The following ZNF385B variants were observed in gnomAD, a reference collection of about 807,000 sequenced individuals.
ZNF385B encodes zinc finger protein 533.
A neutral mutation model predicts 39.2 loss-of-function variants in ZNF385B; 23 were observed. The ratio of observed to expected loss-of-function variants is 0.59; its 90% CI spans 0.42 to 0.83. The LOEUF is 0.83. ZNF385B is among the 40% of genes least tolerant of loss of function. The pLI is 0.00. For missense variants in ZNF385B, 552 were observed against 598.9 expected (o/e 0.92, Z 0.82); for synonymous variants, 205 against 222.6 (o/e 0.92, Z 0.70).
At position 179,550,889 on chromosome 2, in the gene ZNF385B, T is replaced by C. The variant is rs868515444; in HGVS notation, c.299-5920A>G. On this transcript the variant is annotated intron_variant, in intron 3 of 9. Coordinates refer to ENST00000410066, the MANE Select transcript of ZNF385B (RefSeq NM_152520.6). ...CAAGCGGAAATTTGGCCAAAATGCA[T>C]TGCACTCTGAAAGAAAATGCTTAAT... Among the ~76,000 whole-genome samples, 5 of 135,590 alleles carry C rather than the reference T, an allele frequency of 3.7e-5. No homozygotes were observed. The South Asian group carries it at 1.2e-3, about 33-fold the overall frequency. 89.0% of individuals were successfully genotyped at this position (135,590 alleles called of 152,430 possible). A position where few individuals can be genotyped will look rare whatever the true frequency, so the allele number is the denominator to read the frequency against.
chr2:179,495,659 G>C (rs2056126331), intron 5 of ZNF385B, among the ~76,000 whole-genome samples: 2 of 152,126 alleles, frequency 1.3e-5, no homozygotes, highest in African/African-American at 4.8e-5. Flanking sequence ...TTAGAATGGA[G>C]AGAGACCCTA....
At chr2:179,472,788 T>C (rs2052931867) in intron 6 of ZNF385B, among the ~76,000 whole-genome samples, 1 of 152,170 alleles carries the variant, frequency 6.6e-6, no homozygotes, top group African/African-American at 2.4e-5. Context: ...TGGATCTCAG[T>C]AGCCAACCCT....
intron 3 of ZNF385B, among the ~76,000 whole-genome samples, chr2:179,726,676 A>G (rs1701041980): frequency 6.6e-6 from 1 of 152,054 alleles, no homozygotes; most frequent in African/African-American, 2.4e-5. Context: ...ACAAAGTCCA[A>G]TATCAACACA....
rs376620899 is a variant in ZNF385B, at chr2:179,731,315, G to A, written c.298+38188C>T. 7.9e-5 allele frequency among the ~76,000 whole-genome samples: 12 copies of A among 152,330 alleles called. No individual in the cohort carries two copies. In the East Asian group the frequency reaches 1.7e-3, roughly 22 times the overall value. ...CATAAATGAGAAAACTGAGTTTAGGGAGGTAAGAGAACTTTCCCACACAGA... is the reference window on the plus strand; with the variant it reads ...CATAAATGAGAAAACTGAGTTTAGGAAGGTAAGAGAACTTTCCCACACAGA... On this transcript the variant is annotated intron_variant, in intron 3 of 9. Coordinates refer to ENST00000410066, the MANE Select transcript of ZNF385B (RefSeq NM_152520.6).
At chr2:179,521,356 T>TTTTTG (rs1342487195) in intron 4 of ZNF385B, among the ~76,000 whole-genome samples, 1 of 144,934 alleles carries the variant, frequency 6.9e-6, no homozygotes, top group Non-Finnish European at 1.5e-5. Flanking sequence ...CTGGCCAGTT[T>TTTTTG]TTTTTTTTTT....
At chr2:179,856,763 T>G (rs1684639309) in intron 1 of ZNF385B, among the ~76,000 whole-genome samples, 1 of 151,966 alleles carries the variant, frequency 6.6e-6, no homozygotes, top group Admixed American at 6.5e-5. Context: ...TAAGGAGAAC[T>G]AGCAACTGCA....
intron 3 of ZNF385B, among the ~76,000 whole-genome samples, chr2:179,715,120 A>G (rs1700252608): frequency 6.6e-6 from 1 of 152,116 alleles, no homozygotes; most frequent in Non-Finnish European, 1.5e-5. Flanking sequence ...AGCCATTAAG[A>G]CAAATAACCT....
chr2:179,580,735 T>C (rs1686405527), intron 3 of ZNF385B, among the ~76,000 whole-genome samples: 1 of 152,186 alleles, frequency 6.6e-6, no homozygotes, highest in African/African-American at 2.4e-5. Context: ...TTCTTGGACT[T>C]CTCAGTCTTC....
intron 3 of ZNF385B, among the ~76,000 whole-genome samples, chr2:179,560,955 G>T (rs2061293394): frequency 6.6e-6 from 1 of 152,142 alleles, no homozygotes; most frequent in Non-Finnish European, 1.5e-5. Context: ...TTTATTACGT[G>T]CTCCCACGAC....
chr2:179,511,557 C>T (rs1265333840), intron 5 of ZNF385B, among the ~76,000 whole-genome samples: 1 of 152,142 alleles, frequency 6.6e-6, no homozygotes, highest in East Asian at 1.9e-4. Context: ...ACCAATTACA[C>T]ACTAACTGTA....
At chr2:179,540,503 A>AC (rs1303185525) in intron 4 of ZNF385B, among the ~76,000 whole-genome samples, 1 of 152,046 alleles carries the variant, frequency 6.6e-6, no homozygotes, top group African/African-American at 2.4e-5. Flanking sequence ...CAACAAAAAA[A>AC]ACCACAGTTT....
intron 3 of ZNF385B, among the ~76,000 whole-genome samples, chr2:179,678,139 T>C (rs1346255895): frequency 6.6e-6 from 1 of 152,240 alleles, no homozygotes; most frequent in African/African-American, 2.4e-5. Context: ...CCTTCACTCA[T>C]GACCAAGTTA....
In ZNF385B at chr2:179,483,198, G is replaced by A. The variant is rs1342355308; in HGVS notation, c.715+74C>T. ...ATGGAGAGTAACATGCAACAACTGA[G>A]GGCAGGAAAACGGGGTCAGGGCAGG... On this transcript the variant is annotated intron_variant, in intron 6 of 9. Coordinates refer to ENST00000410066, the MANE Select transcript of ZNF385B (RefSeq NM_152520.6). The A allele has an allele frequency of 1.4e-5, 22 of 1,540,422 alleles. 1 individual carries two copies. Among genetic ancestry groups the A allele is most frequent in the East Asian group, 2.3e-5 (1 of 43,696 alleles).
chr2:179,739,712 A>G (rs1701975901), intron 3 of ZNF385B, among the ~76,000 whole-genome samples: 1 of 152,136 alleles, frequency 6.6e-6, no homozygotes, highest in South Asian at 2.1e-4. Context: ...GAGTATTAGT[A>G]TAGCTTAATC....
At chr2:179,731,983 T>C (rs1701423059) in intron 3 of ZNF385B, among the ~76,000 whole-genome samples, 1 of 152,186 alleles carries the variant, frequency 6.6e-6, no homozygotes, top group Admixed American at 6.5e-5. Flanking sequence ...TTGGCACTAA[T>C]CTGTATGTAA....
chr2:179,618,423 AAC>A (rs1345867533), intron 3 of ZNF385B, among the ~76,000 whole-genome samples: 9 of 152,304 alleles, frequency 5.9e-5, no homozygotes, highest in African/African-American at 2.2e-4. Flanking sequence ...CTCCTTTCAG[AAC>A]AGTTTCCTAA....
intron 3 of ZNF385B, among the ~76,000 whole-genome samples, chr2:179,630,227 C>A (rs1691069548): frequency 6.6e-6 from 1 of 152,258 alleles, no homozygotes; most frequent in Admixed American, 6.5e-5. Flanking sequence ...GGGTCCCTGA[C>A]TCCTGTGCAG....
At chr2:179,477,327 C>A (rs2053536818) in intron 6 of ZNF385B, among the ~76,000 whole-genome samples, 1 of 152,106 alleles carries the variant, frequency 6.6e-6, no homozygotes, top group South Asian at 2.1e-4. Context: ...TGAGGCAAAT[C>A]ATACTGATAT....
At chr2:179,695,715 G>T (rs902191894) in intron 3 of ZNF385B, among the ~76,000 whole-genome samples, 1 of 152,196 alleles carries the variant, frequency 6.6e-6, no homozygotes, top group Non-Finnish European at 1.5e-5. Flanking sequence ...AGAACATAGA[G>T]AATTGGAACC....
Sources: gnomAD v4.1 joint callset for allele counts (sites outside exome capture counted in the v4.1 genomes callset) on GRCh38, gnomAD v4.1.1 for gene constraint, MANE v1.5 for transcripts, NCBI Gene and HGNC (gene_info 2026-07-23, HGNC 2026-07-21) for gene names.